CLIC5: variants seen among roughly 807,000 people sequenced by gnomAD.
CLIC5 encodes CLIC family member 5.
In CLIC5, 20 loss-of-function variants were observed where a neutral mutation model predicts 24.7. The ratio of observed to expected loss-of-function variants is 0.81; its 90% CI spans 0.57 to 1.18. The LOEUF (loss-of-function observed/expected upper bound fraction) is 1.18. Among genes scored for constraint, CLIC5 ranks in the 50% most tolerant of loss-of-function variants. The pLI is 0.00. For missense variants in CLIC5, 341 were observed against 326.1 expected (o/e 1.05, Z -0.35); for synonymous variants, 159 against 135.6 (o/e 1.17, Z -1.20).
intron 4 of CLIC5, among the ~76,000 whole-genome samples, chr6:45,935,467 G>A (rs1461937798): frequency 6.6e-6 from 1 of 152,212 alleles, no homozygotes; most frequent in Non-Finnish European, 1.5e-5. Flanking sequence ...TGCAGGATGT[G>A]CCAAAGGGGC....
intron 1 of CLIC5, among the ~76,000 whole-genome samples, chr6:45,956,868 C>G (rs1392185896): frequency 6.6e-6 from 1 of 152,154 alleles, no homozygotes; most frequent in Non-Finnish European, 1.5e-5. Context: ...TAGGAGGGTA[C>G]AGTGTGGGCG....
At chr6:45,959,257 G>T (rs1229922613) in intron 1 of CLIC5, among the ~76,000 whole-genome samples, 1 of 152,148 alleles carries the variant, frequency 6.6e-6, no homozygotes, top group African/African-American at 2.4e-5. Context: ...GAAAGGTTTT[G>T]TTTATGTGGA....
intron 1 of CLIC5, among the ~76,000 whole-genome samples, chr6:45,988,075 G>A (rs1190377596): frequency 6.6e-6 from 1 of 152,138 alleles, no homozygotes; most frequent in Non-Finnish European, 1.5e-5. Flanking sequence ...ATCAGGTAAG[G>A]GTGAGGCCTG....
chr6:45,939,332 G>C (rs1764050500), intron 4 of CLIC5, among the ~76,000 whole-genome samples: 1 of 147,644 alleles, frequency 6.8e-6, no homozygotes, highest in African/African-American at 2.5e-5. Context: ...TCCTGCCTCA[G>C]CCTCCCAAGA....
At chr6:45,923,933 G>A (rs1763374358) in intron 4 of CLIC5, among the ~76,000 whole-genome samples, 1 of 152,212 alleles carries the variant, frequency 6.6e-6, no homozygotes, top group South Asian at 2.1e-4. Context: ...TCTCTGCAAA[G>A]TGGAGATCAT....
chr6:46,086,306 T>C, the CLIC5 span, among the ~76,000 whole-genome samples: 3 of 152,328 alleles, frequency 2.0e-5, no homozygotes, highest in South Asian at 6.2e-4. Flanking sequence ...GTACCTCAGA[T>C]GGAAATGCAG....
chr6:45,948,913 T>C (rs1333704413), intron 3 of CLIC5, among the ~76,000 whole-genome samples: 1 of 152,124 alleles, frequency 6.6e-6, no homozygotes, highest in Non-Finnish European at 1.5e-5. Context: ...GAAGGAAACT[T>C]TGTCCTCACT....
intron 1 of CLIC5, among the ~76,000 whole-genome samples, chr6:46,053,243 G>A (rs1326214303): frequency 1.3e-5 from 2 of 152,154 alleles, no homozygotes; most frequent in South Asian, 2.1e-4. Context: ...ACCGCAAACA[G>A]GCAAAGTCCT....
chr6:45,907,776 C>G (rs1169340790), intron 5 of CLIC5, among the ~76,000 whole-genome samples: 1 of 152,004 alleles, frequency 6.6e-6, no homozygotes, highest in Non-Finnish European at 1.5e-5. Flanking sequence ...TATACTGAAC[C>G]TTTACTGAAG....
chr6:46,027,057 T>C (rs1403020621), intron 1 of CLIC5, among the ~76,000 whole-genome samples: 1 of 152,174 alleles, frequency 6.6e-6, no homozygotes, highest in Non-Finnish European at 1.5e-5. Flanking sequence ...CCGAGAGACA[T>C]TGAATATACC....
intron 1 of CLIC5, among the ~76,000 whole-genome samples, chr6:46,062,284 TA>T (rs941994336): frequency 5.3e-5 from 8 of 151,876 alleles, no homozygotes; most frequent in South Asian, 4.2e-4. Context: ...CAGTAGAGTG[TA>T]AAAAAAAATG....
At chr6:45,987,825 A>G (rs1765796001) in intron 1 of CLIC5, among the ~76,000 whole-genome samples, 1 of 152,172 alleles carries the variant, frequency 6.6e-6, no homozygotes, top group African/African-American at 2.4e-5. Context: ...ACTTCATTTA[A>G]CCTTAATTAT....
At chr6:45,934,544 C>T (rs1247660049) in intron 4 of CLIC5, among the ~76,000 whole-genome samples, 1 of 152,198 alleles carries the variant, frequency 6.6e-6, no homozygotes, top group Admixed American at 6.5e-5. Flanking sequence ...AGCCCCAAGA[C>T]TGCATGTGAT....
At chr6:46,066,424 C>A (rs888199380) in intron 1 of CLIC5, among the ~76,000 whole-genome samples, 4 of 152,092 alleles carry the variant, frequency 2.6e-5, no homozygotes, top group African/African-American at 9.7e-5. Flanking sequence ...CCCACTCTAC[C>A]CTAAAGTCAA....
intron 3 of CLIC5, 58 bp from the exon 4 acceptor site, chr6:45,941,711 G>T: frequency 7.9e-7 from 1 of 1,260,448 alleles, no homozygotes; most frequent in Non-Finnish European, 1.2e-6. Context: ...CTTTAAGGGT[G>T]AGCCTATCCC....
chr6:46,114,220 T>G, the CLIC5 span, among the ~76,000 whole-genome samples: 1 of 152,176 alleles, frequency 6.6e-6, no homozygotes, highest in Non-Finnish European at 1.5e-5. Flanking sequence ...CTTTTTTCTT[T>G]GTCTAGTTTG....
At chr6:46,008,427 T>C (rs1348473121) in intron 1 of CLIC5, among the ~76,000 whole-genome samples, 1 of 152,110 alleles carries the variant, frequency 6.6e-6, no homozygotes, top group Non-Finnish European at 1.5e-5. Flanking sequence ...GCCACACTGG[T>C]CCCATCATAT....
the CLIC5 span, among the ~76,000 whole-genome samples, chr6:46,108,373 T>G: frequency 8.4e-6 from 1 of 118,970 alleles, no homozygotes; most frequent in Admixed American, 8.6e-5. Flanking sequence ...GGTCTTTGTG[T>G]GTGTGTGTGT....
At chr6:46,121,105 G>T in the CLIC5 span, among the ~76,000 whole-genome samples, 1 of 151,902 alleles carries the variant, frequency 6.6e-6, no homozygotes, top group South Asian at 2.1e-4. Context: ...TCCTCAAGAA[G>T]AACAACTCCG....
Sources: allele counts gnomAD v4.1 joint callset (sites outside exome capture counted in the v4.1 genomes callset), GRCh38; gene constraint gnomAD v4.1.1; transcripts MANE v1.5; gene names NCBI Gene and HGNC (gene_info 2026-07-23, HGNC 2026-07-21).